MBTPS1: variants seen among roughly 807,000 people sequenced by gnomAD.
The protein encoded by MBTPS1 is membrane bound transcription factor peptidase, site 1.
MBTPS1 carries 94 observed loss-of-function variants against 127.8 expected under a neutral mutation model. The ratio of observed to expected loss-of-function variants is 0.74; its 90% CI spans 0.62 to 0.87. The LOEUF is 0.87. MBTPS1 is among the 40% of genes least tolerant of loss of function. The probability of loss-of-function intolerance (pLI) is 0.00; values close to 1 mark genes in which losing one functional copy is unlikely to be tolerated. For missense variants in MBTPS1, 1,636 were observed against 1,353.2 expected, an observed-to-expected ratio of 1.21 and a Z score of -3.28; for synonymous variants, 632 against 509.4, an observed-to-expected ratio of 1.24 and a Z score of -3.24.
At chr16:84,089,514 T>A (rs1020078642) in intron 8 of MBTPS1, among the ~76,000 whole-genome samples, 2 of 152,214 alleles carry the variant, frequency 1.3e-5, no homozygotes, top group African/African-American at 4.8e-5. Context: ...AATATATGTT[T>A]GAACAGTAGA....
intron 1 of MBTPS1, among the ~76,000 whole-genome samples, chr16:84,115,942 T>A (rs1300809904): frequency 1.3e-4 from 2 of 14,830 alleles, no homozygotes; most frequent in Non-Finnish European, 2.2e-4. Context: ...ATTCTCCAGA[T>A]TGAAAAAAAA....
chr16:84,062,327 G>A (rs182050973), intron 19 of MBTPS1, among the ~76,000 whole-genome samples: 3 of 152,174 alleles, frequency 2.0e-5, no homozygotes, highest in Admixed American at 2.0e-4. Context: ...CACTGTGTTG[G>A]CCAGGCTGGT....
chr16:84,081,561 C>T (rs1400972873), intron 11 of MBTPS1, 186 bp downstream of exon 11: 5 of 402,044 alleles, frequency 1.2e-5, no homozygotes, highest in Admixed American at 4.4e-5. Flanking sequence ...CATCAGTAAG[C>T]GAAAGCAGCT....
At position 84,116,835 on chromosome 16, in the gene MBTPS1, C is replaced by T. The variant is rs1256839365; in HGVS notation, c.-425G>A. On this transcript the variant is annotated 5_prime_UTR_variant, in exon 1 of 23. Coordinates refer to ENST00000343411, the MANE Select transcript of MBTPS1 (RefSeq NM_003791.4). ...TTCGGGGCTGTTTACTCCCAACTCTCGCGAGACTGGGCGACCGGGCCAGCG... is the reference window on the plus strand; with the variant it reads ...TTCGGGGCTGTTTACTCCCAACTCTTGCGAGACTGGGCGACCGGGCCAGCG... 3.3e-5 allele frequency: 5 copies of T among 152,252 alleles called. No individual in the cohort carries two copies. Among genetic ancestry groups the T allele is most frequent in the African/African-American group, 4.8e-5 (2 of 41,454 alleles). 9.4% of individuals were successfully genotyped at this position (152,252 alleles called of 1,614,324 possible).
rs1462124012 is a variant in MBTPS1, at chr16:84,056,084, C to T, written c.2883G>A (p.Val961=). The T allele has an allele frequency of 1.2e-6, 2 of 1,614,032 alleles. No homozygotes were observed. Among genetic ancestry groups the T allele is most frequent in the East Asian group, 4.5e-5 (2 of 44,890 alleles). The part of the protein sequence containing the change: ...KLLSIDLDKV[V]LPNFRSNRPQ... The stretch of plus-strand genomic sequence containing the variant: ...GGCGATTCGATCGAAAGTTGGGTAA[C>T]ACCACCTTGTCCAGGTCAATGGAGA... Residue 961 remains valine, a synonymous_variant, in exon 22 of 23, where the codon GTG becomes GTA. Coordinates refer to ENST00000343411, the MANE Select transcript of MBTPS1 (RefSeq NM_003791.4).
At position 84,068,361 on chromosome 16, in the gene MBTPS1, C is replaced by A. The variant is rs373548429; in HGVS notation, c.2049G>T (p.Thr683=). The A allele has an allele frequency of 3.0e-5, 48 of 1,613,500 alleles. No individual in the cohort carries two copies. The highest frequency in any genetic ancestry group is 3.8e-5 in the Non-Finnish European group (45 of 1,179,520). Residue 683 remains threonine (T), a synonymous_variant, in exon 15 of 23, where the codon ACG becomes ACT. Coordinates refer to ENST00000343411, the MANE Select transcript of MBTPS1 (RefSeq NM_003791.4). The part of the protein sequence containing the change: ...YFVEVLGAPF[T]CFDASQYGTL... ...TACCATACTGACTGGCATCAAAACA[C>A]GTGAAGGGGGCCCCGAGGACCTCTA...
intron 1 of MBTPS1, among the ~76,000 whole-genome samples, chr16:84,111,248 GC>G (rs1279504529): frequency 6.6e-6 from 1 of 152,198 alleles, no homozygotes. Flanking sequence ...GATGATGAAA[GC>G]AACAGGCTGG....
intron 14 of MBTPS1, 75 bp downstream of exon 14, chr16:84,069,791 A>C (rs2085743191): frequency 1.5e-6 from 2 of 1,335,528 alleles, no homozygotes; most frequent in African/African-American, 2.9e-5. Context: ...CATCTTTCCA[A>C]GAGTTGCGGG....
intron 11 of MBTPS1, among the ~76,000 whole-genome samples, chr16:84,076,916 A>T (rs1286306127): frequency 1.3e-5 from 2 of 152,246 alleles, no homozygotes. Context: ...CATATGAAGA[A>T]AACAAACATG....
chr16:84,066,384 C>G (rs1312786615), intron 17 of MBTPS1, 105 bp downstream of exon 17: 1 of 1,231,532 alleles, frequency 8.1e-7, no homozygotes, highest in Admixed American at 2.6e-5. Flanking sequence ...CAGACTCCAG[C>G]TAACTGAGGG....
At chr16:84,072,047 A>C (rs1357459814) in intron 12 of MBTPS1, 1 of 152,274 alleles carries the variant, frequency 6.6e-6, no homozygotes, top group African/African-American at 2.4e-5. Context: ...AAGCTGAAAG[A>C]TGTACCACCT....
At position 84,081,796 on chromosome 16, in the gene MBTPS1, C is replaced by A. The variant is rs767669312; in HGVS notation, c.1399G>T (p.Asp467Tyr). ...NMFEQGHGKL[D>Y]LLRAYQILNS... ...AGGATCTGATAGGCTCTGAGCAGAT[C>A]GAGCTTGCCGTGGCCTTGCTCAAAC... The change falls in exon 11 of 23, where the codon GAT (aspartate) becomes TAT (tyrosine). Residue 467 changes from aspartate to tyrosine, a missense_variant. Transcript: ENST00000343411. 4 of 1,522,478 alleles carry A rather than the reference C, an allele frequency of 2.6e-6. No individual in the cohort carries two copies. The highest frequency in any genetic ancestry group is 1.8e-6 in the Non-Finnish European group (2 of 1,133,002). 94.3% of individuals were successfully genotyped at this position (1,522,478 alleles called of 1,614,324 possible). A position where few individuals can be genotyped will look rare whatever the true frequency, so the allele number is the denominator to read the frequency against.
At chr16:84,080,618 C>A (rs866017057) in intron 11 of MBTPS1, among the ~76,000 whole-genome samples, 3 of 152,264 alleles carry the variant, frequency 2.0e-5, no homozygotes, top group African/African-American at 7.2e-5. Flanking sequence ...CTGCTCCCAG[C>A]CAATGACTAA....
At chr16:84,076,999 G>A (rs916549162) in intron 11 of MBTPS1, among the ~76,000 whole-genome samples, 1 of 152,182 alleles carries the variant, frequency 6.6e-6, no homozygotes, top group Non-Finnish European at 1.5e-5. Context: ...GCCGAGGCGG[G>A]AGGACGGCTT....
At chr16:84,093,493 C>T (rs550287859) in intron 5 of MBTPS1, among the ~76,000 whole-genome samples, 196 bp from the exon 6 acceptor site, 4 of 152,270 alleles carry the variant, frequency 2.6e-5, no homozygotes, top group Admixed American at 6.5e-5. Context: ...CCACGCTCTC[C>T]GGGACAGGGA....
intron 3 of MBTPS1, among the ~76,000 whole-genome samples, chr16:84,096,702 G>A (rs975188607): frequency 1.3e-5 from 2 of 152,078 alleles, no homozygotes; most frequent in Admixed American, 1.3e-4. Context: ...TTAAGTACAG[G>A]GACCTGGAAA....
intron 11 of MBTPS1, among the ~76,000 whole-genome samples, chr16:84,081,307 G>T (rs1273623901): frequency 2.0e-5 from 3 of 152,252 alleles, no homozygotes. Flanking sequence ...CTGGCGAGAT[G>T]TATGTGGTCT....
At chr16:84,108,736 G>C (rs1567507019) in intron 1 of MBTPS1, among the ~76,000 whole-genome samples, 3 of 152,220 alleles carry the variant, frequency 2.0e-5, no homozygotes, top group Admixed American at 6.5e-5. Flanking sequence ...AGAGGCACCA[G>C]GTGAGGGGGT....
chr16:84,077,924 C>T (rs2085885159), intron 11 of MBTPS1, among the ~76,000 whole-genome samples: 1 of 140,372 alleles, frequency 7.1e-6, no homozygotes, highest in Non-Finnish European at 1.6e-5. Flanking sequence ...AGACAATTCA[C>T]AAGAAAGCTT....
Sources: gnomAD v4.1 joint callset for allele counts (sites outside exome capture counted in the v4.1 genomes callset) on GRCh38, gnomAD v4.1.1 for gene constraint, MANE v1.5 for transcripts, NCBI Gene and HGNC (gene_info 2026-07-23, HGNC 2026-07-21) for gene names.